Variants in RNPC3 observed in about 807,000 individuals in gnomAD.
RNPC3 encodes the protein RNA-binding region-containing protein 3.
Under a neutral mutation model 67.5 loss-of-function variants are expected in RNPC3, and 48 were observed. The ratio of observed to expected loss-of-function variants is 0.71; its 90% CI spans 0.56 to 0.90. RNPC3 has a LOEUF of 0.90. Among genes scored for constraint, RNPC3 ranks in the 40% least tolerant of loss-of-function variants. RNPC3 has a pLI of 0.00. For missense variants in RNPC3, 637 were observed against 626.1 expected (o/e 1.02, Z -0.19); for synonymous variants, 239 against 210.3 (o/e 1.14, Z -1.18).
chr1:103,537,543 T>A, intron 7 of RNPC3, 59 bp downstream of exon 7: 1 of 1,392,824 alleles, frequency 7.2e-7, no homozygotes, highest in Non-Finnish European at 9.7e-7. Flanking sequence ...AGAAAGAGAC[T>A]CTTGCTCTCC....
At chr1:103,537,245 G>T in intron 6 of RNPC3, 97 bp from the exon 7 acceptor site, 9 of 777,342 alleles carry the variant, frequency 1.2e-5, no homozygotes, top group Non-Finnish European at 1.5e-5. Flanking sequence ...AAAAAAAAAA[G>T]ACCATGTGAT....
chr1:103,530,865 T>C (rs1650832020), intron 2 of RNPC3, among the ~76,000 whole-genome samples: 1 of 152,180 alleles, frequency 6.6e-6, no homozygotes, highest in Admixed American at 6.6e-5. Flanking sequence ...TTCCAGTAGG[T>C]TTTGGGGGAA....
At chr1:103,535,595 G>C (rs1465441795) in intron 5 of RNPC3, among the ~76,000 whole-genome samples, 154 bp downstream of exon 5, 1 of 151,984 alleles carries the variant, frequency 6.6e-6, no homozygotes, top group East Asian at 1.9e-4. Context: ...TCCAAGTAGA[G>C]ACTTTTATAA....
chr1:103,542,430 C>T (rs1474706620), intron 8 of RNPC3, among the ~76,000 whole-genome samples: 3 of 151,846 alleles, frequency 2.0e-5, no homozygotes, highest in Admixed American at 6.6e-5. Flanking sequence ...AAATGTTAGG[C>T]GATGGAGTTT....
chr1:103,538,398 T>C lies in RNPC3; in HGVS notation c.767+914T>C, dbSNP rs988240091. Among the ~76,000 whole-genome samples the C allele has an allele frequency of 3.9e-5, 6 of 152,230 alleles. No individual in the cohort carries two copies. In the East Asian group the frequency reaches 7.7e-4, roughly 20 times the overall value. On this transcript the variant is annotated intron_variant, in intron 7 of 14. Transcript: ENST00000423855. ...TTGAGCATGGTGTTGAAGTGCTCTT[T>C]AGTGTTCCTGAGCTCAAGAACGCTA... is the stretch of plus-strand genomic sequence containing the variant.
chr1:103,531,499 C>A (rs1290383162), intron 2 of RNPC3, among the ~76,000 whole-genome samples: 3 of 152,138 alleles, frequency 2.0e-5, no homozygotes, highest in Admixed American at 6.5e-5. Context: ...ACATATTCTG[C>A]CAACATCTAT....
chr1:103,550,121 G>A (rs926716511), intron 12 of RNPC3, among the ~76,000 whole-genome samples: 15 of 151,990 alleles, frequency 9.9e-5, no homozygotes, highest in African/African-American at 2.9e-4. Context: ...CCAAGATCAC[G>A]CCACTGCACT....
chr1:103,551,631 A>ACTCCCAAAATTAAAAAACCATC, intron 13 of RNPC3, 90 bp from the exon 14 acceptor site: 1 of 764,700 alleles, frequency 1.3e-6, no homozygotes, highest in Non-Finnish European at 2.1e-6. Flanking sequence ...AAAAAACCAT[A>ACTCCCAAAATTAAAAAACCATC]CTCCCACCAT....
chr1:103,539,281 G>T lies in RNPC3; in HGVS notation c.767+1797G>T, dbSNP rs137985213. Reference sequence around the variant, plus strand: ...CTCTGAGCAACATATACAAATAATCGCAATTTGACTGAGTCAGTGTCCACC... The same window carrying T: ...CTCTGAGCAACATATACAAATAATCTCAATTTGACTGAGTCAGTGTCCACC... On this transcript the variant is annotated intron_variant, in intron 7 of 14. Coordinates refer to ENST00000423855, the MANE Select transcript of RNPC3 (RefSeq NM_017619.4). Among the ~76,000 whole-genome samples the T allele has an allele frequency of 3.9e-5, 6 of 152,278 alleles. No individual in the cohort carries two copies. The East Asian group carries it at 7.7e-4, about 20-fold the overall frequency.
chr1:103,545,147 CTT>C (rs760849328), intron 10 of RNPC3, 45 bp downstream of exon 10: 1 of 1,452,386 alleles, frequency 6.9e-7, no homozygotes, highest in African/African-American at 1.4e-5. Context: ...TTTTACATAT[CTT>C]TGACTCTATA....
Position 103,533,751 on chromosome 1 carries a change from C to T in RNPC3, c.253C>T (p.Leu85Phe). Residue 85 changes from leucine to phenylalanine, a missense_variant, in exon 3 of 15, where the codon CTC becomes TTC. Leu to Phe is a conservative substitution (Grantham distance 22). Around this residue, in one of 3 missense-constraint regions of RNPC3, gnomAD observed 536 missense variants for 500.3 expected, o/e 1.07. Transcript: ENST00000423855. ...CTTTTAACTGAAGGCATTGACAAGA[C>T]TCCATCAACTGAAACTTTTAGGTCA... Reference protein sequence around the residue: ...EKAAIKALTRLHQLKLLGHTL... With the variant: ...EKAAIKALTRFHQLKLLGHTL... The T allele has an allele frequency of 6.6e-7, 1 of 1,522,816 alleles. No individual in the cohort carries two copies. Among genetic ancestry groups the T allele is most frequent in the Non-Finnish European group, 8.8e-7 (1 of 1,135,796 alleles). 94.3% of individuals were successfully genotyped at this position (1,522,816 alleles called of 1,614,324 possible). A position where few individuals can be genotyped will look rare whatever the true frequency, so the allele number is the denominator to read the frequency against.
chr1:103,547,452 A>C (rs1198244139), intron 12 of RNPC3, among the ~76,000 whole-genome samples: 1 of 152,158 alleles, frequency 6.6e-6, no homozygotes, highest in Non-Finnish European at 1.5e-5. Flanking sequence ...AATCACCTGG[A>C]AAGCCTGGCA....
chr1:103,536,070 A>G (rs1270965056), intron 5 of RNPC3, 56 bp from the exon 6 acceptor site: 2 of 1,291,490 alleles, frequency 1.5e-6, no homozygotes, highest in Non-Finnish European at 2.2e-6. Context: ...TACATAAAAT[A>G]CAAGATGTGA....
intron 2 of RNPC3, among the ~76,000 whole-genome samples, chr1:103,528,003 A>G (rs1650758670): frequency 6.6e-6 from 1 of 152,238 alleles, no homozygotes; most frequent in East Asian, 1.9e-4. Context: ...TGTGACTGTT[A>G]CAAGGTAAGA....
At chr1:103,540,307 G>A (rs1386216281) in intron 7 of RNPC3, among the ~76,000 whole-genome samples, 2 of 152,136 alleles carry the variant, frequency 1.3e-5, no homozygotes, top group African/African-American at 4.8e-5. Context: ...GTTTAAATTT[G>A]TGTCTCATCC....
chr1:103,549,555 T>C (rs1463532659), intron 12 of RNPC3, among the ~76,000 whole-genome samples: 18 of 152,212 alleles, frequency 1.2e-4, no homozygotes, highest in Non-Finnish European at 2.5e-4. Flanking sequence ...TTTGATAGTT[T>C]TTTATGTATT....
chr1:103,526,216 A>G lies in RNPC3; in HGVS notation c.146A>G (p.Tyr49Cys), dbSNP rs1434054521. The change falls in exon 1 of 15, where the codon TAC (tyrosine) becomes TGC (cysteine). Residue 49 changes from tyrosine to cysteine, a missense_variant. Physicochemically the swap from Tyr to Cys is radical, Grantham distance 194. Around this residue, in one of 3 missense-constraint regions of RNPC3, gnomAD observed 536 missense variants for 500.3 expected, o/e 1.07. Transcript: ENST00000423855. ...TAEEKEDLLKYFGAQSVRVLS... is the reference protein window; with the variant it reads ...TAEEKEDLLKCFGAQSVRVLS... ...GAGGAGAAAGAGGACTTGCTGAAGTACTTCGGGGCTCAGTCTGTGCGGGTC... is the reference window on the plus strand; with the variant it reads ...GAGGAGAAAGAGGACTTGCTGAAGTGCTTCGGGGCTCAGTCTGTGCGGGTC... 6.4e-7 allele frequency: 1 copy of G among 1,551,354 alleles called. No homozygotes were observed. Among genetic ancestry groups the G allele is most frequent in the Admixed American group, 2.0e-5 (1 of 50,966 alleles).
intron 7 of RNPC3, among the ~76,000 whole-genome samples, chr1:103,538,759 A>T (rs1249605161): frequency 6.6e-6 from 1 of 152,206 alleles, no homozygotes; most frequent in East Asian, 1.9e-4. Context: ...TTTCTAGAGT[A>T]ATTCTTTAGG....
At chr1:103,543,993 C>A (rs545772786) in intron 9 of RNPC3, among the ~76,000 whole-genome samples, 1 of 151,674 alleles carries the variant, frequency 6.6e-6, no homozygotes, top group African/African-American at 2.4e-5. Context: ...TAATGGTGTT[C>A]TTTTGTTCTT....
Sources: allele counts gnomAD v4.1 joint callset (sites outside exome capture counted in the v4.1 genomes callset), GRCh38; gene constraint gnomAD v4.1.1; regional missense constraint gnomAD v4.1.1; transcripts MANE v1.5; gene names NCBI Gene and HGNC (gene_info 2026-07-23, HGNC 2026-07-21).